Variants in PLCE1 observed in about 807,000 individuals in gnomAD.
The protein encoded by PLCE1 is phospholipase C epsilon 1.
In PLCE1, 119 loss-of-function variants were observed where a neutral mutation model predicts 242.8. The ratio of observed to expected loss-of-function variants is 0.49; its 90% CI spans 0.42 to 0.57. The LOEUF (loss-of-function observed/expected upper bound fraction) is 0.57. Among genes scored for constraint, PLCE1 ranks in the 20% least tolerant of loss-of-function variants. The pLI, the probability that PLCE1 is intolerant of heterozygous loss-of-function variation, is 0.00. For missense variants in PLCE1, 2,441 were observed against 2,788.8 expected, an observed-to-expected ratio of 0.88 and a Z score of 2.81; for synonymous variants, 945 against 1,017.4, an observed-to-expected ratio of 0.93 and a Z score of 1.35.
chr10:94,313,627 T>G (rs575505067), intron 28 of PLCE1, among the ~76,000 whole-genome samples: 2 of 152,330 alleles, frequency 1.3e-5, no homozygotes, highest in South Asian at 4.1e-4. Flanking sequence ...AGATTTTTAA[T>G]GATTCTTAAG....
At chr10:94,065,097 C>G (rs972934083) in intron 2 of PLCE1, among the ~76,000 whole-genome samples, 1 of 152,140 alleles carries the variant, frequency 6.6e-6, no homozygotes, top group African/African-American at 2.4e-5. Context: ...TTTATTGTCT[C>G]TGGCTCTCAC....
rs569621956 is a variant in PLCE1 at position 94,095,565 on chromosome 10, C to T, written c.1207-36609C>T. On this transcript the variant is annotated intron_variant, in intron 2 of 32. Coordinates refer to ENST00000371380, the MANE Select transcript of PLCE1 (RefSeq NM_016341.4). ...AGAAATGAGGTTTCATTATGTTTCC[C>T]AGGCTGGAAATTTCTTAATAACAAT... Among the ~76,000 whole-genome samples, 14 of 152,098 alleles carry T rather than the reference C, an allele frequency of 9.2e-5. No homozygotes were observed. The East Asian group carries it at 2.3e-3, about 25-fold the overall frequency.
rs1277913551 is a variant in PLCE1, at chr10:94,256,333, AAAAAAAAAG to A, written c.3554+1288_3554+1296del. 3.6e-3 allele frequency among the ~76,000 whole-genome samples: 486 copies of A among 135,374 alleles called. 2 individuals carry two copies. Among genetic ancestry groups the A allele is most frequent in the African/African-American group, 0.013 (449 of 34,580 alleles). 88.8% of individuals were successfully genotyped at this position (135,374 alleles called of 152,430 possible). A position where few individuals can be genotyped will look rare whatever the true frequency, so the allele number is the denominator to read the frequency against. On this transcript the variant is annotated intron_variant, in intron 11 of 32. Transcript: ENST00000371380. The stretch of plus-strand genomic sequence containing the variant: ...AGTGAGAGCTTGTCTCAAAAAAAAA[AAAAAAAAAG>A]AAAGAAAGAAAGAAAGAAAAAGAAA...
At chr10:94,066,024 A>C (rs1049740618) in intron 2 of PLCE1, among the ~76,000 whole-genome samples, 20 of 152,164 alleles carry the variant, frequency 1.3e-4, no homozygotes, top group African/African-American at 4.1e-4. Flanking sequence ...TATTTTGGCT[A>C]GCTGAGAGAG....
intron 4 of PLCE1, among the ~76,000 whole-genome samples, chr10:94,181,445 A>C (rs928819416): frequency 2.6e-5 from 4 of 151,906 alleles, no homozygotes; most frequent in African/African-American, 9.7e-5. Flanking sequence ...GCGTGGTGGC[A>C]GGCGCCTGTA....
chr10:94,179,122 G>C (rs1250853248), intron 4 of PLCE1, among the ~76,000 whole-genome samples: 1 of 152,076 alleles, frequency 6.6e-6, no homozygotes, highest in Non-Finnish European at 1.5e-5. Flanking sequence ...TTCTTTCCCT[G>C]GAACATTTCA....
At chr10:94,051,927 C>T (rs1242024205) in intron 2 of PLCE1, among the ~76,000 whole-genome samples, 7 of 152,316 alleles carry the variant, frequency 4.6e-5, no homozygotes, top group Middle Eastern at 3.4e-3. Flanking sequence ...TTAAAGTGAC[C>T]TCTTCTCCAA....
chr10:94,231,059 G>A (rs1051903677), intron 5 of PLCE1, among the ~76,000 whole-genome samples: 1 of 152,170 alleles, frequency 6.6e-6, no homozygotes, highest in Admixed American at 6.5e-5. Context: ...TATACCTAAT[G>A]TCTGTGTGTG....
In PLCE1 at chr10:94,254,791, G is replaced by A; in HGVS notation, c.3398-102G>A. Reference sequence around the variant, plus strand: ...GCTTGTATAGAAACCAGCTGCATAGGTTGATTTGCTCAGACATCCAGAAGC... The same window carrying A: ...GCTTGTATAGAAACCAGCTGCATAGATTGATTTGCTCAGACATCCAGAAGC... On this transcript the variant is annotated intron_variant, in intron 10 of 32. Coordinates refer to ENST00000371380, the MANE Select transcript of PLCE1 (RefSeq NM_016341.4). 3 of 1,303,876 alleles carry A rather than the reference G, an allele frequency of 2.3e-6. No individual in the cohort carries two copies. The Admixed American group carries it at 5.0e-5, about 22-fold the overall frequency. 80.8% of individuals were successfully genotyped at this position (1,303,876 alleles called of 1,614,324 possible). A position where few individuals can be genotyped will look rare whatever the true frequency, so the allele number is the denominator to read the frequency against.
rs140542942 is a variant in PLCE1 at position 94,085,616 on chromosome 10, T to A, written c.1207-46558T>A. On this transcript the variant is annotated intron_variant, in intron 2 of 32. Coordinates refer to ENST00000371380, the MANE Select transcript of PLCE1 (RefSeq NM_016341.4). ...ACACCTGATGAGTTTGTAGAAACATTCCCCAGCGGTTGCCTGACTTCCAGG... is the reference window on the plus strand; with the variant it reads ...ACACCTGATGAGTTTGTAGAAACATACCCCAGCGGTTGCCTGACTTCCAGG... 1.3e-3 allele frequency among the ~76,000 whole-genome samples: 197 copies of A among 152,314 alleles called. 1 individual carries two copies. Among genetic ancestry groups the A allele is most frequent in the African/African-American group, 4.0e-3 (166 of 41,576 alleles).
chr10:94,233,842 G>A (rs1237621356), intron 5 of PLCE1, among the ~76,000 whole-genome samples: 1 of 151,964 alleles, frequency 6.6e-6, no homozygotes, highest in Non-Finnish European at 1.5e-5. Context: ...CAGCTACTAG[G>A]GAGGCTGAGG....
intron 2 of PLCE1, among the ~76,000 whole-genome samples, chr10:94,110,453 A>G (rs923053557): frequency 6.6e-6 from 1 of 152,200 alleles, no homozygotes; most frequent in Non-Finnish European, 1.5e-5. Context: ...ACAGCTTTAC[A>G]ATAGTGAAAA....
intron 2 of PLCE1, among the ~76,000 whole-genome samples, chr10:94,106,403 C>T (rs1041676131): frequency 7.9e-5 from 12 of 152,144 alleles, no homozygotes; most frequent in African/African-American, 2.9e-4. Flanking sequence ...CTAGTATACT[C>T]TTGTATGGAT....
At chr10:94,042,382 A>G (rs2061786522) in intron 2 of PLCE1, among the ~76,000 whole-genome samples, 1 of 152,108 alleles carries the variant, frequency 6.6e-6, no homozygotes, top group African/African-American at 2.4e-5. Context: ...GCGACTGTCT[A>G]TGAGGTTAAA....
At chr10:94,312,857 T>C (rs982839748) in intron 27 of PLCE1, among the ~76,000 whole-genome samples, 2 of 152,246 alleles carry the variant, frequency 1.3e-5, no homozygotes, top group African/African-American at 4.8e-5. Flanking sequence ...TAATGATTCA[T>C]GTGCCTGAAT....
At chr10:94,114,680 A>T (rs1436510218) in intron 2 of PLCE1, among the ~76,000 whole-genome samples, 1 of 151,516 alleles carries the variant, frequency 6.6e-6, no homozygotes, top group Non-Finnish European at 1.5e-5. Context: ...TTCTTTTCTT[A>T]TTTTGTTGTG....
At chr10:94,258,185 G>A (rs528354272) in intron 11 of PLCE1, among the ~76,000 whole-genome samples, 112 of 152,106 alleles carry the variant, frequency 7.4e-4, no homozygotes, top group African/African-American at 2.6e-3. Context: ...GGCTGGTTTC[G>A]AACACCTGGG....
At position 94,195,959 on chromosome 10, in the gene PLCE1, T is replaced by G. The variant is rs561947546; in HGVS notation, c.1809+24463T>G. 5.8e-4 allele frequency among the ~76,000 whole-genome samples: 88 copies of G among 152,306 alleles called. 1 individual carries two copies. The highest frequency in any genetic ancestry group is 2.0e-3 in the African/African-American group (84 of 41,564). ...TAGGCCAGATGATATCTAATGCTTCTTAGAATTTAGACTCTAGAGTTTGAA... is the reference window on the plus strand; with the variant it reads ...TAGGCCAGATGATATCTAATGCTTCGTAGAATTTAGACTCTAGAGTTTGAA... On this transcript the variant is annotated intron_variant, in intron 4 of 32. Transcript: ENST00000371380.
At chr10:94,245,215 A>G (rs568241568) in intron 7 of PLCE1, among the ~76,000 whole-genome samples, 1 of 152,296 alleles carries the variant, frequency 6.6e-6, no homozygotes, top group Admixed American at 6.5e-5. Context: ...GGTTACCTTG[A>G]ACAAATTACT....
Sources: allele counts gnomAD v4.1 joint callset (sites outside exome capture counted in the v4.1 genomes callset), GRCh38; gene constraint gnomAD v4.1.1; transcripts MANE v1.5; gene names NCBI Gene and HGNC (gene_info 2026-07-23, HGNC 2026-07-21).